The following CCSER1 variants were observed in gnomAD, a reference collection of about 807,000 sequenced individuals.
The protein encoded by CCSER1 is coiled-coil serine rich protein 1.
Under a neutral mutation model 82.0 loss-of-function variants are expected in CCSER1, and 41 were observed. The observed-to-expected ratio is 0.50, with a 90% confidence interval of 0.39 to 0.65. CCSER1 has a LOEUF of 0.65. CCSER1 is among the 30% of genes least tolerant of loss of function. The pLI, the probability that CCSER1 is intolerant of heterozygous loss-of-function variation, is 0.00. For missense variants in CCSER1, 1,119 were observed against 1,064.2 expected (o/e 1.05, Z -0.72); for synonymous variants, 414 against 383.9 (o/e 1.08, Z -0.92).
chr4:90,831,411 T>C (rs1267592924), intron 8 of CCSER1, among the ~76,000 whole-genome samples: 1 of 152,190 alleles, frequency 6.6e-6, no homozygotes, highest in African/African-American at 2.4e-5. Context: ...TAATTTCTAT[T>C]GATGAGCATT....
intron 3 of CCSER1, among the ~76,000 whole-genome samples, chr4:90,318,635 G>C (rs1256750657): frequency 6.6e-6 from 1 of 152,178 alleles, no homozygotes; most frequent in Non-Finnish European, 1.5e-5. Flanking sequence ...TTGAACTGCA[G>C]AATTTACTTA....
intron 5 of CCSER1, among the ~76,000 whole-genome samples, chr4:90,544,799 T>G (rs760743206): frequency 2.0e-5 from 3 of 152,036 alleles, no homozygotes; most frequent in Non-Finnish European, 4.4e-5. Flanking sequence ...TCCAAAGGCT[T>G]AGAGACCTAG....
intron 10 of CCSER1, among the ~76,000 whole-genome samples, chr4:91,157,007 T>C (rs1464325045): frequency 6.6e-6 from 1 of 152,002 alleles, no homozygotes; most frequent in Non-Finnish European, 1.5e-5. Flanking sequence ...TTCAATCTCA[T>C]TGATCTGGCT....
intron 10 of CCSER1, among the ~76,000 whole-genome samples, chr4:91,577,117 A>G (rs908591466): frequency 6.6e-6 from 1 of 152,064 alleles, no homozygotes; most frequent in Non-Finnish European, 1.5e-5. Context: ...AGTACGTTAA[A>G]ATGATCTATA....
chr4:90,665,849 G>A (rs79833406), intron 6 of CCSER1, among the ~76,000 whole-genome samples: 9 of 152,148 alleles, frequency 5.9e-5, no homozygotes, highest in African/African-American at 2.2e-4. Context: ...ATCTCAAAGG[G>A]CAGTCTTCAA....
chr4:91,560,057 GATAA>G (rs1012314107), intron 10 of CCSER1, among the ~76,000 whole-genome samples: 12 of 151,286 alleles, frequency 7.9e-5, no homozygotes, highest in African/African-American at 2.7e-4. Flanking sequence ...TGAATAAATA[GATAA>G]ATAGATATTG....
At chr4:91,110,292 A>C (rs752438202) in intron 10 of CCSER1, among the ~76,000 whole-genome samples, 2 of 86,198 alleles carry the variant, frequency 2.3e-5, no homozygotes, top group Non-Finnish European at 4.8e-5. Context: ...TTGTTTCTTC[A>C]CTAGGAAAAA....
intron 5 of CCSER1, among the ~76,000 whole-genome samples, chr4:90,563,636 G>A (rs867697163): frequency 6.6e-6 from 1 of 152,140 alleles, no homozygotes; most frequent in Middle Eastern, 3.4e-3. Context: ...TTTGAGGGTA[G>A]TTACTATTTT....
intron 10 of CCSER1, among the ~76,000 whole-genome samples, chr4:91,132,693 A>G (rs931383724): frequency 2.0e-5 from 3 of 152,232 alleles, no homozygotes; most frequent in African/African-American, 4.8e-5. Flanking sequence ...CTAGATTTGG[A>G]TGCTTATTTT....
intron 6 of CCSER1, among the ~76,000 whole-genome samples, chr4:90,712,258 T>C (rs776587052): frequency 8.5e-4 from 130 of 152,068 alleles, no homozygotes; most frequent in Admixed American, 2.4e-3. Context: ...GAGATATTTA[T>C]AACTTTTTGA....
intron 10 of CCSER1, among the ~76,000 whole-genome samples, chr4:91,373,138 C>G (rs1222116703): frequency 6.6e-6 from 1 of 151,336 alleles, no homozygotes; most frequent in Non-Finnish European, 1.5e-5. Flanking sequence ...CATGTTTAAA[C>G]ATACTTTTTT....
At chr4:90,998,562 C>T (rs189567434) in intron 9 of CCSER1, among the ~76,000 whole-genome samples, 2 of 152,134 alleles carry the variant, frequency 1.3e-5, no homozygotes, top group East Asian at 3.9e-4. Flanking sequence ...CACCAATTTG[C>T]AAAGATAAAA....
chr4:90,717,774 T>A (rs996315946), intron 6 of CCSER1, among the ~76,000 whole-genome samples: 1 of 147,432 alleles, frequency 6.8e-6, no homozygotes, highest in African/African-American at 2.5e-5. Context: ...ATATAGTGTA[T>A]ATATATGTGT....
intron 7 of CCSER1, among the ~76,000 whole-genome samples, chr4:90,769,075 T>C (rs1375452546): frequency 6.6e-6 from 1 of 152,182 alleles, no homozygotes; most frequent in Non-Finnish European, 1.5e-5. Context: ...AGCTGGTGAC[T>C]CAGAAAGCCC....
At chr4:91,497,462 A>AT (rs1758985578) in intron 10 of CCSER1, among the ~76,000 whole-genome samples, 1 of 151,816 alleles carries the variant, frequency 6.6e-6, no homozygotes, top group Admixed American at 6.6e-5. Context: ...TAATAAAACA[A>AT]AAATTCCTGT....
chr4:90,531,897 A>G (rs1774583109), intron 5 of CCSER1, among the ~76,000 whole-genome samples: 1 of 152,126 alleles, frequency 6.6e-6, no homozygotes, highest in African/African-American at 2.4e-5. Context: ...ACATACTTTC[A>G]ACAGTTTGTA....
intron 3 of CCSER1, among the ~76,000 whole-genome samples, chr4:90,328,595 T>G (rs1561038027): frequency 6.6e-6 from 1 of 152,138 alleles, no homozygotes; most frequent in Non-Finnish European, 1.5e-5. Context: ...GCAGCTTAAG[T>G]CAAGCAAAAG....
At chr4:90,304,005 A>C (rs1222857300) in intron 1 of CCSER1, among the ~76,000 whole-genome samples, 1 of 152,124 alleles carries the variant, frequency 6.6e-6, no homozygotes, top group Non-Finnish European at 1.5e-5. Context: ...ATGAACAGAC[A>C]CTTCTCGAAG....
intron 5 of CCSER1, among the ~76,000 whole-genome samples, chr4:90,524,812 T>A (rs1161680404): frequency 6.6e-6 from 1 of 152,088 alleles, no homozygotes; most frequent in African/African-American, 2.4e-5. Flanking sequence ...AATTCCTCAT[T>A]TGTCCTCGCA....
Sources: allele counts gnomAD v4.1 joint callset (sites outside exome capture counted in the v4.1 genomes callset), GRCh38; gene constraint gnomAD v4.1.1; transcripts MANE v1.5; gene names NCBI Gene and HGNC (gene_info 2026-07-23, HGNC 2026-07-21).